The following JAKMIP1 variants were observed in gnomAD, a reference collection of about 807,000 sequenced individuals.
JAKMIP1 encodes the protein janus kinase and microtubule-interacting protein 1.
A neutral mutation model predicts 113.0 loss-of-function variants in JAKMIP1; 33 were observed. That is an observed-to-expected ratio of 0.29 (90% CI 0.22 to 0.39). The LOEUF is 0.39. JAKMIP1 is among the 10% of genes least tolerant of loss of function. JAKMIP1 has a pLI of 1.00. For missense variants in JAKMIP1, 813 were observed against 1,080.5 expected (o/e 0.75, Z 3.47); for synonymous variants, 480 against 459.9 (o/e 1.04, Z -0.56).
chr4:6,086,255 G>A lies in JAKMIP1; in HGVS notation c.625-626C>T, dbSNP rs562786789. The stretch of plus-strand genomic sequence containing the variant: ...TTGCTCTGGCTCTCATTGAAGCCTG[G>A]AGTTTCCAAGGCTCGGGCCTCTTCT... On this transcript the variant is annotated intron_variant, in intron 3 of 20. Coordinates refer to ENST00000409021, the MANE Select transcript of JAKMIP1 (RefSeq NM_001099433.2). The surrounding 1 kb of genome is among the most constrained non-coding windows in gnomAD (Gnocchi z 4.1). 6.6e-6 allele frequency among the ~76,000 whole-genome samples: 1 copy of A among 152,202 alleles called. No individual in the cohort carries two copies. Among genetic ancestry groups the A allele is most frequent in the South Asian group, 2.1e-4 (1 of 4,804 alleles).
In JAKMIP1 at chr4:6,052,229, AAC is replaced by A. The variant is rs377541006; in HGVS notation, c.1807-1552_1807-1551del. ...ATTTAAAAAAATAAAATAAAAAAAA[AAC>A]AAGCAAAAAAACAAATTTCATGATG... On this transcript the variant is annotated intron_variant, in intron 13 of 20. Coordinates refer to ENST00000409021, the MANE Select transcript of JAKMIP1 (RefSeq NM_001099433.2). Among the ~76,000 whole-genome samples, 1,173 of 152,230 alleles carry A rather than the reference AAC, an allele frequency of 7.7e-3. 13 individuals carry two copies. The highest frequency in any genetic ancestry group is 0.027 in the African/African-American group (1,124 of 41,516).
rs1277743959 is a variant in JAKMIP1, at chr4:6,192,212, C to G, written c.-148+8041G>C. Among the ~76,000 whole-genome samples, 1 of 152,128 alleles carries G rather than the reference C, an allele frequency of 6.6e-6. No individual in the cohort carries two copies. Among genetic ancestry groups the G allele is most frequent in the Non-Finnish European group, 1.5e-5 (1 of 68,020 alleles). The stretch of plus-strand genomic sequence containing the variant: ...CCTCCCAAAGTGCTGGGATTACAGG[C>G]GTGAGCCACCGCGCCTGGCCAGGGT... On this transcript the variant is annotated intron_variant, in intron 1 of 20. Transcript: ENST00000409021. The surrounding 1 kb of genome is among the most constrained non-coding windows in gnomAD (Gnocchi z 5.0).
At position 6,199,593 on chromosome 4, in the gene JAKMIP1, C is replaced by A. The variant is rs903550825; in HGVS notation, c.-148+660G>T. 3.3e-5 allele frequency among the ~76,000 whole-genome samples: 5 copies of A among 152,012 alleles called. No homozygotes were observed. Among genetic ancestry groups the A allele is most frequent in the Non-Finnish European group, 7.4e-5 (5 of 67,934 alleles). ...GGCCCGGCAGGAGGGTGGGTGCCAGCCTTTCTTCCCATCTCTCGAGCCTCC... is the reference window on the plus strand; with the variant it reads ...GGCCCGGCAGGAGGGTGGGTGCCAGACTTTCTTCCCATCTCTCGAGCCTCC... On this transcript the variant is annotated intron_variant, in intron 1 of 20. Coordinates refer to ENST00000409021, the MANE Select transcript of JAKMIP1 (RefSeq NM_001099433.2). The surrounding 1 kb of genome is among the most constrained non-coding windows in gnomAD (Gnocchi z 5.6).
At chr4:6,152,650 T>A (rs1445252305) in intron 1 of JAKMIP1, among the ~76,000 whole-genome samples, 1 of 152,100 alleles carries the variant, frequency 6.6e-6, no homozygotes, top group Non-Finnish European at 1.5e-5. Flanking sequence ...CTCACAGAAG[T>A]GGGCATCCTG....
chr4:6,154,954 T>A lies in JAKMIP1; in HGVS notation c.-147-41957A>T. ...ACGCAGGGAAAGGTGCGGGGTAGGG[T>A]GGGGGGTCTTAGCTGGGGTGGAGCC... On this transcript the variant is annotated intron_variant, in intron 1 of 20. Coordinates refer to ENST00000409021, the MANE Select transcript of JAKMIP1 (RefSeq NM_001099433.2). The surrounding 1 kb of genome is among the most constrained non-coding windows in gnomAD (Gnocchi z 4.2). Among the ~76,000 whole-genome samples, 1 of 151,712 alleles carries A rather than the reference T, an allele frequency of 6.6e-6. No homozygotes were observed.
chr4:6,088,153 G>A lies in JAKMIP1; in HGVS notation c.625-2524C>T, dbSNP rs1721558091. On this transcript the variant is annotated intron_variant, in intron 3 of 20. Coordinates refer to ENST00000409021, the MANE Select transcript of JAKMIP1 (RefSeq NM_001099433.2). This position sits in a 1 kb window ranked among gnomAD's most constrained non-coding sequence, Gnocchi z 5.5. The stretch of plus-strand genomic sequence containing the variant: ...AGTGGGTGCTGAGAAACATTAGAGA[G>A]CAAAAGAGACCAGCCGCCCTGCCCT... Among the ~76,000 whole-genome samples, 1 of 152,210 alleles carries A rather than the reference G, an allele frequency of 6.6e-6. No individual in the cohort carries two copies. The highest frequency in any genetic ancestry group is 1.5e-5 in the Non-Finnish European group (1 of 68,040).
chr4:6,199,920 A>G lies in JAKMIP1; in HGVS notation c.-148+333T>C, dbSNP rs1728263771. 6.7e-6 allele frequency among the ~76,000 whole-genome samples: 1 copy of G among 149,776 alleles called. No individual in the cohort carries two copies. Among genetic ancestry groups the G allele is most frequent in the Admixed American group, 6.6e-5 (1 of 15,180 alleles). On this transcript the variant is annotated intron_variant, in intron 1 of 20. Coordinates refer to ENST00000409021, the MANE Select transcript of JAKMIP1 (RefSeq NM_001099433.2). This position sits in a 1 kb window ranked among gnomAD's most constrained non-coding sequence, Gnocchi z 5.6. ...GAGGGCGGAATCCGGAGAAGAGTGG[A>G]AATAGGGGTGGCGTGAAGGAGAGCT...
chr4:6,036,166 C>T (rs1458736550), intron 18 of JAKMIP1, 59 bp from the exon 19 acceptor site: 1 of 1,333,548 alleles, frequency 7.5e-7, no homozygotes, highest in Non-Finnish European at 1.0e-6. Flanking sequence ...CAGGAACCAC[C>T]AGAAGGCTGC....
chr4:6,080,496 A>G lies in JAKMIP1; in HGVS notation c.1102-184T>C, dbSNP rs1250013025. On this transcript the variant is annotated intron_variant, in intron 6 of 20. Coordinates refer to ENST00000409021, the MANE Select transcript of JAKMIP1 (RefSeq NM_001099433.2). This position sits in a 1 kb window ranked among gnomAD's most constrained non-coding sequence, Gnocchi z 6.0. ...TCTCATCTTGAATTGCGGCTCCCAG[A>G]ACTCCCGTGTGTTGTGGGAGGGGCC... is the stretch of plus-strand genomic sequence containing the variant. Among the ~76,000 whole-genome samples, 1 of 152,080 alleles carries G rather than the reference A, an allele frequency of 6.6e-6. No individual in the cohort carries two copies. Among genetic ancestry groups the G allele is most frequent in the Non-Finnish European group, 1.5e-5 (1 of 68,012 alleles).
In JAKMIP1 at chr4:6,134,853, C is replaced by CCTAGCATGGGGGGGTGGCG. The variant is rs371555130; in HGVS notation, c.-147-21857_-147-21856insCGCCACCCCCCCATGCTAG. Reference sequence around the variant, plus strand: ...CTCTCTCCCCCACCAGAGCCTCAAGCCTAGCATGGGAGGGTGGCGCATGCA... The same window carrying CCTAGCATGGGGGGGTGGCG: ...CTCTCTCCCCCACCAGAGCCTCAAGCCTAGCATGGGGGGGTGGCGCTAGCATGGGAGGGTGGCGCATGCA... On this transcript the variant is annotated intron_variant, in intron 1 of 20. Coordinates refer to ENST00000409021, the MANE Select transcript of JAKMIP1 (RefSeq NM_001099433.2). Among the ~76,000 whole-genome samples the CCTAGCATGGGGGGGTGGCG allele has an allele frequency of 9.3e-3, 1,415 of 152,338 alleles. 19 individuals are homozygous for CCTAGCATGGGGGGGTGGCG. Among genetic ancestry groups the CCTAGCATGGGGGGGTGGCG allele is most frequent in the African/African-American group, 0.031 (1,309 of 41,564 alleles).
At chr4:6,103,106 A>G (rs1156937663) in intron 3 of JAKMIP1, among the ~76,000 whole-genome samples, 1 of 152,156 alleles carries the variant, frequency 6.6e-6, no homozygotes, top group Non-Finnish European at 1.5e-5. Flanking sequence ...TTGGGTGGGA[A>G]ATGTTCAATA....
Position 6,031,523 on chromosome 4 carries a change from G to T in JAKMIP1, c.2380-1742C>A, listed in dbSNP as rs1229914015. Among the ~76,000 whole-genome samples the T allele has an allele frequency of 6.6e-6, 1 of 152,166 alleles. No individual in the cohort carries two copies. The highest frequency in any genetic ancestry group is 1.5e-5 in the Non-Finnish European group (1 of 68,028). On this transcript the variant is annotated intron_variant, in intron 19 of 20. Coordinates refer to ENST00000409021, the MANE Select transcript of JAKMIP1 (RefSeq NM_001099433.2). This position sits in a 1 kb window ranked among gnomAD's most constrained non-coding sequence, Gnocchi z 4.4. ...TCACCAGATGCACAAGAGGGGAAAG[G>T]AATTCCAGGCAGAGGGAACGGCATG... is the stretch of plus-strand genomic sequence containing the variant.
At chr4:6,114,597 G>A (rs542360034) in intron 1 of JAKMIP1, among the ~76,000 whole-genome samples, 4 of 152,378 alleles carry the variant, frequency 2.6e-5, no homozygotes, top group African/African-American at 4.8e-5. Context: ...GGCAGTGATG[G>A]AGGTCAGCTG....
At chr4:6,103,566 C>T (rs941102368) in intron 3 of JAKMIP1, among the ~76,000 whole-genome samples, 1 of 152,176 alleles carries the variant, frequency 6.6e-6, no homozygotes, top group African/African-American at 2.4e-5. Flanking sequence ...AAGACTTTGG[C>T]TAGAATTAGT....
intron 1 of JAKMIP1, among the ~76,000 whole-genome samples, chr4:6,191,307 C>T (rs775834817): frequency 6.6e-6 from 1 of 152,204 alleles, no homozygotes; most frequent in African/African-American, 2.4e-5. Context: ...CAGCTCCCAC[C>T]GCCAGTGTGA....
intron 2 of JAKMIP1, among the ~76,000 whole-genome samples, chr4:6,112,086 C>G (rs923043600): frequency 1.3e-5 from 2 of 152,208 alleles, no homozygotes; most frequent in Non-Finnish European, 2.9e-5. Context: ...AAAGCTGGTA[C>G]CGCCATGACC....
rs900790795 is a variant in JAKMIP1 at position 6,064,489 on chromosome 4, C to T, written c.1431+391G>A. Among the ~76,000 whole-genome samples the T allele has an allele frequency of 3.9e-5, 6 of 152,158 alleles. No individual in the cohort carries two copies. Among genetic ancestry groups the T allele is most frequent in the African/African-American group, 7.2e-5 (3 of 41,434 alleles). On this transcript the variant is annotated intron_variant, in intron 9 of 20. Coordinates refer to ENST00000409021, the MANE Select transcript of JAKMIP1 (RefSeq NM_001099433.2). This position sits in a 1 kb window ranked among gnomAD's most constrained non-coding sequence, Gnocchi z 4.3. ...AGAAAGCAATGATGCTGTTTCTGCC[C>T]GGTGGTGTGTCCGTGTGTGCACACA...
At chr4:6,062,522 C>A in intron 9 of JAKMIP1, 82 bp from the exon 10 acceptor site, 2 of 1,404,000 alleles carry the variant, frequency 1.4e-6, no homozygotes, top group Non-Finnish European at 2.0e-6. Context: ...TAATAATAAA[C>A]ATAAATAAAC....
At position 6,142,594 on chromosome 4, in the gene JAKMIP1, G is replaced by C. The variant is rs1484821039; in HGVS notation, c.-147-29597C>G. 2.0e-5 allele frequency among the ~76,000 whole-genome samples: 3 copies of C among 152,172 alleles called. No homozygotes were observed. The highest frequency in any genetic ancestry group is 2.9e-5 in the Non-Finnish European group (2 of 68,030). On this transcript the variant is annotated intron_variant, in intron 1 of 20. Coordinates refer to ENST00000409021, the MANE Select transcript of JAKMIP1 (RefSeq NM_001099433.2). The surrounding 1 kb of genome is among the most constrained non-coding windows in gnomAD (Gnocchi z 5.5). ...TCCAACCCTAAATCCTTAAAATATAGCTGGAGTCTCTGCTCTCGGACTTAA... is the reference window on the plus strand; with the variant it reads ...TCCAACCCTAAATCCTTAAAATATACCTGGAGTCTCTGCTCTCGGACTTAA...
Sources: allele counts gnomAD v4.1 joint callset (sites outside exome capture counted in the v4.1 genomes callset), GRCh38; gene constraint gnomAD v4.1.1; non-coding constraint Gnocchi (gnomAD v3.1); transcripts MANE v1.5; gene names NCBI Gene and HGNC (gene_info 2026-07-23, HGNC 2026-07-21).